The following TBC1D22A variants were observed in gnomAD, a reference collection of about 807,000 sequenced individuals.
TBC1D22A encodes the protein putative GTPase activator.
A neutral mutation model predicts 60.2 loss-of-function variants in TBC1D22A; 38 were observed. The ratio of observed to expected loss-of-function variants is 0.63; its 90% CI spans 0.49 to 0.83. TBC1D22A has a LOEUF of 0.83. Ranked by LOEUF, TBC1D22A falls within the 40% of genes least tolerant of loss-of-function variation. TBC1D22A has a pLI of 0.00. For synonymous variants in TBC1D22A, 302 were observed against 281.7 expected (o/e 1.07, Z -0.72); for missense variants, 628 against 701.0 (o/e 0.90, Z 1.18).
At chr22:46,908,012 G>A (rs2069615278) in intron 7 of TBC1D22A, among the ~76,000 whole-genome samples, 1 of 152,224 alleles carries the variant, frequency 6.6e-6, no homozygotes, top group African/African-American at 2.4e-5. Flanking sequence ...GGAGGCCAGA[G>A]AGCAGGGAGC....
At chr22:46,910,402 A>G (rs552935828) in intron 7 of TBC1D22A, among the ~76,000 whole-genome samples, 1 of 152,132 alleles carries the variant, frequency 6.6e-6, no homozygotes, top group East Asian at 1.9e-4. Flanking sequence ...AAGATTTAGG[A>G]TTGTAGGCAG....
chr22:47,054,163 G>T (rs1803638582), intron 11 of TBC1D22A, among the ~76,000 whole-genome samples: 1 of 152,236 alleles, frequency 6.6e-6, no homozygotes, highest in Non-Finnish European at 1.5e-5. Flanking sequence ...GCTGCTAGGA[G>T]AGGAGGAAGG....
At chr22:46,840,011 G>A (rs2086683236) in intron 4 of TBC1D22A, among the ~76,000 whole-genome samples, 1 of 152,126 alleles carries the variant, frequency 6.6e-6, no homozygotes, top group African/African-American at 2.4e-5. Context: ...AAAACATAGG[G>A]AAAAAGCTTC....
chr22:47,008,935 AT>A (rs1472519221), intron 10 of TBC1D22A, among the ~76,000 whole-genome samples: 2 of 152,214 alleles, frequency 1.3e-5, no homozygotes, highest in African/African-American at 4.8e-5. Context: ...ACAATGGGAG[AT>A]TTTGGTTTGG....
In TBC1D22A at chr22:47,157,690, G is replaced by A. The variant is rs990205285; in HGVS notation, c.1426-15808G>A. On this transcript the variant is annotated intron_variant, in intron 12 of 12. Transcript: ENST00000337137. Reference sequence around the variant, plus strand: ...CTGGTTCCACAGCTCGCTGACCCTCGCTCCGAGTCTGCTGGTGAGGCGGTG... The same window carrying A: ...CTGGTTCCACAGCTCGCTGACCCTCACTCCGAGTCTGCTGGTGAGGCGGTG... 4.6e-5 allele frequency among the ~76,000 whole-genome samples: 7 copies of A among 152,174 alleles called. No individual in the cohort carries two copies. The East Asian group carries it at 1.2e-3, about 25-fold the overall frequency.
intron 9 of TBC1D22A, among the ~76,000 whole-genome samples, chr22:46,984,144 A>G (rs2074620869): frequency 6.6e-6 from 1 of 151,772 alleles, no homozygotes; most frequent in Non-Finnish European, 1.5e-5. Flanking sequence ...AAGTGGGTGG[A>G]TCACCTGAGG....
Position 47,009,263 on chromosome 22 carries a change from A to C in TBC1D22A, c.1201+11554A>C, listed in dbSNP as rs572042373. ...TATCATCACCATCAGCATCATCATC[A>C]CCATCATCATGATTGTCATCACCAG... On this transcript the variant is annotated intron_variant, in intron 10 of 12. Transcript: ENST00000337137. The surrounding 1 kb of genome is among the most constrained non-coding windows in gnomAD (Gnocchi z 5.8). Among the ~76,000 whole-genome samples the C allele has an allele frequency of 6.6e-6, 1 of 152,194 alleles. No individual in the cohort carries two copies. Among genetic ancestry groups the C allele is most frequent in the South Asian group, 2.1e-4 (1 of 4,820 alleles).
chr22:47,147,040 G>A (rs2067309441), intron 12 of TBC1D22A, among the ~76,000 whole-genome samples: 1 of 152,242 alleles, frequency 6.6e-6, no homozygotes, highest in Admixed American at 6.5e-5. Flanking sequence ...ACAGCGTCAG[G>A]TGAGAGGGAA....
chr22:47,105,799 T>TA (rs1198291844), intron 11 of TBC1D22A, among the ~76,000 whole-genome samples: 1 of 151,520 alleles, frequency 6.6e-6, no homozygotes, highest in Admixed American at 6.6e-5. Flanking sequence ...TTCCAATAGA[T>TA]ATACATTCTA....
intron 12 of TBC1D22A, among the ~76,000 whole-genome samples, chr22:47,113,913 G>A (rs1165677146): frequency 1.3e-5 from 2 of 152,166 alleles, no homozygotes; most frequent in Admixed American, 6.5e-5. Flanking sequence ...GTGGTGTTGG[G>A]TGGGCAGTGG....
At chr22:47,032,317 G>T (rs960289187) in intron 10 of TBC1D22A, among the ~76,000 whole-genome samples, 1 of 152,216 alleles carries the variant, frequency 6.6e-6, no homozygotes, top group Non-Finnish European at 1.5e-5. Flanking sequence ...CCTTGGTGCT[G>T]GTCTCTGTTT....
At chr22:46,853,320 G>T (rs1374817154) in intron 4 of TBC1D22A, among the ~76,000 whole-genome samples, 1 of 152,224 alleles carries the variant, frequency 6.6e-6, no homozygotes, top group Admixed American at 6.5e-5. Context: ...CCTTGGGAAC[G>T]TTGAAAGCAG....
intron 4 of TBC1D22A, among the ~76,000 whole-genome samples, chr22:46,875,606 G>T (rs1260417129): frequency 1.3e-5 from 2 of 151,942 alleles, no homozygotes; most frequent in Non-Finnish European, 2.9e-5. Context: ...CGCCAGCCAT[G>T]ATGCTTGGCT....
chr22:46,972,922 G>A (rs138573677), intron 8 of TBC1D22A, among the ~76,000 whole-genome samples: 3 of 152,276 alleles, frequency 2.0e-5, no homozygotes, highest in Admixed American at 1.3e-4. Flanking sequence ...CGCAGGTCCC[G>A]CCATGTTGGA....
At chr22:47,058,173 G>A (rs1331957504) in intron 11 of TBC1D22A, among the ~76,000 whole-genome samples, 1 of 152,218 alleles carries the variant, frequency 6.6e-6, no homozygotes, top group Non-Finnish European at 1.5e-5. Flanking sequence ...GCGGACTCCT[G>A]TGTCTGGCCC....
At chr22:46,846,052 A>G (rs1198544930) in intron 4 of TBC1D22A, among the ~76,000 whole-genome samples, 2 of 152,250 alleles carry the variant, frequency 1.3e-5, no homozygotes, top group African/African-American at 2.4e-5. Context: ...TTAGACATCC[A>G]TCTGTCTGGG....
chr22:46,804,050 T>G (rs2085020520), intron 4 of TBC1D22A, among the ~76,000 whole-genome samples: 1 of 152,244 alleles, frequency 6.6e-6, no homozygotes, highest in South Asian at 2.1e-4. Flanking sequence ...GGTAAGTAAC[T>G]GACACTACCA....
chr22:46,894,742 G>A (rs2068582540), intron 6 of TBC1D22A, 42 bp from the exon 7 acceptor site: 1 of 1,609,616 alleles, frequency 6.2e-7, no homozygotes, highest in African/African-American at 1.3e-5. Context: ...AATGATGTTT[G>A]TTGTGACGTA....
chr22:47,070,889 G>A (rs1412425965), intron 11 of TBC1D22A, among the ~76,000 whole-genome samples: 3 of 151,218 alleles, frequency 2.0e-5, no homozygotes, highest in African/African-American at 7.3e-5. Flanking sequence ...CTGACCTGAC[G>A]GTTCCAGGCT....
Sources: gnomAD v4.1 joint callset for allele counts (sites outside exome capture counted in the v4.1 genomes callset) on GRCh38, gnomAD v4.1.1 for gene constraint, Gnocchi (gnomAD v3.1) non-coding constraint, MANE v1.5 for transcripts, NCBI Gene and HGNC (gene_info 2026-07-23, HGNC 2026-07-21) for gene names.